Variants in MYCBP2 observed in about 807,000 individuals in gnomAD.
MYCBP2 encodes E3 ubiquitin-protein ligase MYCBP2.
In MYCBP2, 120 loss-of-function variants were observed where a neutral mutation model predicts 525.3. That is an observed-to-expected ratio of 0.23 (90% CI 0.20 to 0.27). MYCBP2 has a LOEUF of 0.27. Ranked by LOEUF, MYCBP2 falls within the 10% of genes least tolerant of loss-of-function variation. The pLI is 1.00. For missense variants in MYCBP2, 4,149 were observed against 5,657.1 expected, an observed-to-expected ratio of 0.73 and a Z score of 8.55; for synonymous variants, 1,894 against 1,955.8, an observed-to-expected ratio of 0.97 and a Z score of 0.83.
intron 63 of MYCBP2, 28 bp downstream of exon 63, chr13:77,083,004 A>T (rs1274504726): frequency 6.3e-7 from 1 of 1,597,322 alleles, no homozygotes. Flanking sequence ...TGTCCAATGT[A>T]CCTAGGATAT....
chr13:77,203,991 G>A (rs968987714), intron 26 of MYCBP2, among the ~76,000 whole-genome samples: 1 of 152,112 alleles, frequency 6.6e-6, no homozygotes, highest in Middle Eastern at 3.4e-3. Flanking sequence ...CATGGGCAAG[G>A]ACTTCTTGTC....
rs773462077 is a variant in MYCBP2, at chr13:77,099,049, A to C, written c.8141-36T>G. 8 of 1,582,384 alleles carry C rather than the reference A, an allele frequency of 5.1e-6. No homozygotes were observed. In the South Asian group the frequency reaches 9.2e-5, roughly 18 times the overall value. The stretch of plus-strand genomic sequence containing the variant: ...CATTTTACAGTGAAACTTATTAATA[A>C]AATTATAACTTACTGATAATTTAGC... On this transcript the variant is annotated intron_variant, in intron 55 of 82. Coordinates refer to ENST00000544440, the MANE Select transcript of MYCBP2 (RefSeq NM_015057.5).
chr13:77,238,467 A>T (rs761210293), intron 17 of MYCBP2, among the ~76,000 whole-genome samples: 2 of 152,156 alleles, frequency 1.3e-5, no homozygotes, highest in Non-Finnish European at 1.5e-5. Flanking sequence ...ATGATCATCC[A>T]CTAGTTCTTC....
chr13:77,250,154 C>T (rs796073769), intron 15 of MYCBP2, among the ~76,000 whole-genome samples: 277 of 148,500 alleles, frequency 1.9e-3, no homozygotes, highest in African/African-American at 6.6e-3. Flanking sequence ...ACCCGGGAGG[C>T]GGAGCTTGCA....
chr13:77,205,380 T>G lies in MYCBP2; in HGVS notation c.3719A>C (p.His1240Pro). ...DYSVVNRFES[H>P]GGGWGYSAHS... ...GGCAGAATAACCCCAGCCTCCTCCA[T>G]GACCTAGAATATATAAATCATAATC... is the stretch of plus-strand genomic sequence containing the variant. The change falls in exon 26 of 83, where the codon CAT becomes CCT. Residue 1240 changes from histidine (H) to proline (P), a missense_variant. By Grantham distance (77) the His-to-Pro change is moderately conservative. This residue lies in a region of MYCBP2 where 620 missense variants were observed against 795.5 expected (regional missense o/e 0.78). Transcript: ENST00000544440. 3 of 1,612,732 alleles carry G rather than the reference T, an allele frequency of 1.9e-6. No individual in the cohort carries two copies. The highest frequency in any genetic ancestry group is 2.5e-6 in the Non-Finnish European group (3 of 1,179,540).
At chr13:77,296,755 A>C in intron 1 of MYCBP2, 81 bp from the exon 2 acceptor site, 1 of 1,085,558 alleles carries the variant, frequency 9.2e-7, no homozygotes, top group South Asian at 1.7e-5. Flanking sequence ...GGGTATTTCC[A>C]AAGTAGACAT....
intron 7 of MYCBP2, among the ~76,000 whole-genome samples, chr13:77,268,467 A>G (rs1477844523): frequency 6.6e-6 from 1 of 152,220 alleles, no homozygotes; most frequent in Non-Finnish European, 1.5e-5. Flanking sequence ...AATTACTGAG[A>G]AACTAATTTG....
intron 1 of MYCBP2, among the ~76,000 whole-genome samples, chr13:77,314,425 A>G (rs749840139): frequency 2.0e-5 from 3 of 152,212 alleles, no homozygotes; most frequent in Non-Finnish European, 4.4e-5. Flanking sequence ...TACATGGTGG[A>G]TTATTCAGTG....
rs2051696370 is a variant in MYCBP2, at chr13:77,126,497, A to G, written c.7705T>C (p.Cys2569Arg). 1 of 1,613,914 alleles carries G rather than the reference A, an allele frequency of 6.2e-7. No homozygotes were observed. The highest frequency in any genetic ancestry group is 1.7e-5 in the Admixed American group (1 of 59,986). The stretch of plus-strand genomic sequence containing the variant: ...TGCATTGTTGCTTCCTGTGGGCAGC[A>G]GGAGTTTATGTCTTTGAAAAAGTCA... ...TDDFFKDINS[C>R]CPQEATMQEQ... The change falls in exon 53 of 83, where the codon TGC (cysteine) becomes CGC (arginine). Residue 2569 changes from cysteine (C) to arginine (R), a missense_variant. By Grantham distance (180) the Cys-to-Arg change is radical (BLOSUM62 -3). Around this residue, in one of 21 missense-constraint regions of MYCBP2, gnomAD observed 692 missense variants for 852.7 expected, o/e 0.81. Coordinates refer to ENST00000544440, the MANE Select transcript of MYCBP2 (RefSeq NM_015057.5).
chr13:77,161,675 C>T (rs184473318), intron 44 of MYCBP2, among the ~76,000 whole-genome samples: 3 of 152,284 alleles, frequency 2.0e-5, no homozygotes, highest in Admixed American at 6.5e-5. Flanking sequence ...TTTTTTCTCC[C>T]GAAGGATTTT....
chr13:77,095,631 T>C, intron 57 of MYCBP2, 29 bp from the exon 58 acceptor site: 1 of 1,599,830 alleles, frequency 6.3e-7, no homozygotes, highest in Non-Finnish European at 8.5e-7. Context: ...AAACTAATCT[T>C]TTCTGACTTA....
intron 2 of MYCBP2, among the ~76,000 whole-genome samples, chr13:77,292,490 A>G (rs1470111032): frequency 6.6e-6 from 1 of 151,466 alleles, no homozygotes; most frequent in Non-Finnish European, 1.5e-5. Flanking sequence ...ATACAACAAC[A>G]TTAACACAAA....
At chr13:77,226,934 TTAAAC>T (rs745766890) in intron 18 of MYCBP2, among the ~76,000 whole-genome samples, 9 of 152,148 alleles carry the variant, frequency 5.9e-5, no homozygotes, top group Non-Finnish European at 1.2e-4. Flanking sequence ...AGATTACAGA[TTAAAC>T]TAAATGCTAC....
At chr13:77,139,458 T>C (rs1021537423) in intron 51 of MYCBP2, 122 bp from the exon 52 acceptor site, 10 of 1,121,926 alleles carry the variant, frequency 8.9e-6, no homozygotes, top group Non-Finnish European at 2.5e-6. Context: ...ATCTAGTTTT[T>C]GCAGAAAGTA....
At chr13:77,294,114 A>ATATATATATATATATATATG (rs1555465600) in intron 2 of MYCBP2, among the ~76,000 whole-genome samples, 1 of 55,404 alleles carries the variant, frequency 1.8e-5, no homozygotes, top group East Asian at 4.9e-4. Flanking sequence ...CTATATATAT[A>ATATATATATATATATATATG]TATATATATA....
chr13:77,098,916 T>C lies in MYCBP2; in HGVS notation c.8238A>G (p.Gly2746=), dbSNP rs1272961757. The change falls in exon 56 of 83, where the codon GGA becomes GGG. Residue 2746 remains glycine, a synonymous_variant. Transcript: ENST00000544440. Reference sequence around the variant, plus strand: ...GATCAGCAGTAGTCCGGCTCATACGTCCATCAGGTTTAAGCGATCTGCTGT... The same window carrying C: ...GATCAGCAGTAGTCCGGCTCATACGCCCATCAGGTTTAAGCGATCTGCTGT... ...SKHSRSLKPD[G]RMSRTTADQK... is the part of the protein sequence containing the mutation. The C allele has an allele frequency of 6.2e-7, 1 of 1,613,592 alleles. No homozygotes were observed. Among genetic ancestry groups the C allele is most frequent in the Admixed American group, 1.7e-5 (1 of 59,942 alleles).
At position 77,083,112 on chromosome 13, in the gene MYCBP2, G is replaced by C. The variant is rs2154107109; in HGVS notation, c.10956C>G (p.Thr3652=). Residue 3652 remains threonine (T), a synonymous_variant, in exon 63 of 83, where the codon ACC becomes ACG. Transcript: ENST00000544440. ...AGATGGTCTGCAGCAAGCGGTGAAAGGTGTGTGGTAAAGGATGAGCAGCTT... is the reference window on the plus strand; with the variant it reads ...AGATGGTCTGCAGCAAGCGGTGAAACGTGTGTGGTAAAGGATGAGCAGCTT... The part of the protein sequence containing the change: ...AGEAAHPLPH[T]FHRLLQTISD... 6.2e-7 allele frequency: 1 copy of C among 1,613,582 alleles called. No homozygotes were observed. Among genetic ancestry groups the C allele is most frequent in the African/African-American group, 1.3e-5 (1 of 74,974 alleles).
At chr13:77,200,560 T>C (rs375488455) in intron 26 of MYCBP2, among the ~76,000 whole-genome samples, 68 of 152,112 alleles carry the variant, frequency 4.5e-4, no homozygotes, top group East Asian at 3.9e-3. Context: ...AGATACTCCT[T>C]GAGAAGAGCA....
chr13:77,092,789 A>T (rs1354552590), intron 59 of MYCBP2, among the ~76,000 whole-genome samples: 1 of 152,050 alleles, frequency 6.6e-6, no homozygotes, highest in Non-Finnish European at 1.5e-5. Context: ...GAAGCTCTTT[A>T]CTCTGATACT....
Sources: allele counts gnomAD v4.1 joint callset (sites outside exome capture counted in the v4.1 genomes callset), GRCh38; gene constraint gnomAD v4.1.1; regional missense constraint gnomAD v4.1.1; transcripts MANE v1.5; gene names NCBI Gene and HGNC (gene_info 2026-07-23, HGNC 2026-07-21).